PABPC4L: variants seen among roughly 807,000 people sequenced by gnomAD.
PABPC4L encodes the protein poly(A) binding protein cytoplasmic 4 like.
For missense variants in PABPC4L, 452 were observed against 451.4 expected (o/e 1.00, Z -0.01); for synonymous variants, 169 against 164.1 (o/e 1.03, Z -0.23).
the PABPC4L span, among the ~76,000 whole-genome samples, chr4:134,123,842 A>G: frequency 6.6e-5 from 10 of 152,128 alleles, no homozygotes; most frequent in Admixed American, 6.6e-4. Flanking sequence ...CTGTCAAAAC[A>G]GGTGTAAATG....
the PABPC4L span, among the ~76,000 whole-genome samples, chr4:133,986,005 T>C: frequency 2.6e-5 from 4 of 152,232 alleles, no homozygotes; most frequent in Non-Finnish European, 5.9e-5. Flanking sequence ...TTTTATATTG[T>C]ACACATCGAG....
chr4:134,087,840 C>A, the PABPC4L span, among the ~76,000 whole-genome samples: 1 of 152,138 alleles, frequency 6.6e-6, no homozygotes, highest in African/African-American at 2.4e-5. Context: ...GTCTATAAAA[C>A]ATCATAAATC....
the PABPC4L span, among the ~76,000 whole-genome samples, chr4:133,952,968 TACATTA>T: frequency 6.6e-6 from 1 of 152,224 alleles, no homozygotes; most frequent in Non-Finnish European, 1.5e-5. Context: ...CCTTGGTTGG[TACATTA>T]GGGAGGAGCA....
the PABPC4L span, among the ~76,000 whole-genome samples, chr4:134,104,162 T>C: frequency 2.6e-5 from 4 of 151,752 alleles, no homozygotes; most frequent in African/African-American, 9.7e-5. Flanking sequence ...ACCGCTGGTC[T>C]CCTGAATGTG....
chr4:134,046,460 C>A, the PABPC4L span, among the ~76,000 whole-genome samples: 2 of 152,178 alleles, frequency 1.3e-5, no homozygotes, highest in Admixed American at 6.5e-5. Flanking sequence ...GGTTTTACAC[C>A]GAGACATTCC....
At chr4:134,118,279 C>T in the PABPC4L span, among the ~76,000 whole-genome samples, 93 of 151,890 alleles carry the variant, frequency 6.1e-4, 2 homozygotes, top group East Asian at 0.017. Flanking sequence ...AGTCATGGAA[C>T]AATTCAGCAA....
the PABPC4L span, among the ~76,000 whole-genome samples, chr4:134,125,703 T>C: frequency 1.3e-5 from 2 of 152,208 alleles, no homozygotes; most frequent in Non-Finnish European, 2.9e-5. Flanking sequence ...GTCATTGTAA[T>C]AGTCATATCC....
the PABPC4L span, among the ~76,000 whole-genome samples, chr4:134,011,650 T>A: frequency 6.6e-6 from 1 of 152,130 alleles, no homozygotes; most frequent in East Asian, 1.9e-4. Flanking sequence ...CCCTACAAAC[T>A]AAACAAATTT....
chr4:134,112,238 T>G, the PABPC4L span, among the ~76,000 whole-genome samples: 1 of 151,968 alleles, frequency 6.6e-6, no homozygotes. Flanking sequence ...ATGAAATGAA[T>G]GAAGTAGCTA....
chr4:134,134,242 C>G, the PABPC4L span, among the ~76,000 whole-genome samples: 3 of 152,042 alleles, frequency 2.0e-5, no homozygotes, highest in Middle Eastern at 3.4e-3. Context: ...GCTGTTGAAG[C>G]CTACAGTTTA....
the PABPC4L span, among the ~76,000 whole-genome samples, chr4:134,130,878 C>T: frequency 6.0e-4 from 91 of 151,990 alleles, 3 homozygotes; most frequent in East Asian, 0.014. Flanking sequence ...AATGCAGGGA[C>T]GGTTTAACAT....
At chr4:134,104,255 T>A in the PABPC4L span, among the ~76,000 whole-genome samples, 1 of 151,660 alleles carries the variant, frequency 6.6e-6, no homozygotes. Context: ...GCAAGCATCA[T>A]CAGAGAGTGC....
At chr4:133,950,813 G>T in the PABPC4L span, among the ~76,000 whole-genome samples, 1 of 152,224 alleles carries the variant, frequency 6.6e-6, no homozygotes, top group Non-Finnish European at 1.5e-5. Flanking sequence ...CCATTTATAT[G>T]AACTGTGTTA....
At chr4:134,037,730 G>A in the PABPC4L span, among the ~76,000 whole-genome samples, 2 of 152,100 alleles carry the variant, frequency 1.3e-5, no homozygotes, top group South Asian at 2.1e-4. Flanking sequence ...AGGGTGAGAC[G>A]ATGGGGTTTT....
At chr4:134,042,492 G>T in the PABPC4L span, among the ~76,000 whole-genome samples, 1 of 151,846 alleles carries the variant, frequency 6.6e-6, no homozygotes, top group Non-Finnish European at 1.5e-5. Context: ...ATTATGTTTC[G>T]TTCTCAAAAC....
At chr4:133,983,933 T>A in the PABPC4L span, among the ~76,000 whole-genome samples, 1 of 151,824 alleles carries the variant, frequency 6.6e-6, no homozygotes, top group Non-Finnish European at 1.5e-5. Context: ...TAATCATTAA[T>A]CCCCATTTAA....
chr4:134,094,299 C>T, the PABPC4L span, among the ~76,000 whole-genome samples: 3 of 151,924 alleles, frequency 2.0e-5, no homozygotes, highest in African/African-American at 7.2e-5. Context: ...TGCCCCGCCC[C>T]ATGCAGCAAT....
chr4:134,085,018 C>A, the PABPC4L span, among the ~76,000 whole-genome samples: 1 of 152,096 alleles, frequency 6.6e-6, no homozygotes, highest in Non-Finnish European at 1.5e-5. Flanking sequence ...CACACAGGAA[C>A]AGCAGAGGCC....
At chr4:133,964,718 A>G in the PABPC4L span, among the ~76,000 whole-genome samples, 5 of 152,128 alleles carry the variant, frequency 3.3e-5, no homozygotes, top group African/African-American at 9.7e-5. Flanking sequence ...AACAAAAATC[A>G]CATGATCATC....
Sources: gnomAD v4.1 joint callset for allele counts (sites outside exome capture counted in the v4.1 genomes callset) on GRCh38, gnomAD v4.1.1 for gene constraint, MANE v1.5 for transcripts, NCBI Gene and HGNC (gene_info 2026-07-23, HGNC 2026-07-21) for gene names.